TANC2: variants seen among roughly 807,000 people sequenced by gnomAD.
TANC2 encodes protein TANC2.
In TANC2, 26 loss-of-function variants were observed where a neutral mutation model predicts 210.5. The observed-to-expected ratio is 0.12, with a 90% CI of 0.09 to 0.17. The LOEUF (loss-of-function observed/expected upper bound fraction) is 0.17, where lower values mean the gene tolerates loss of function less well. TANC2 is among the 10% of genes least tolerant of loss of function. The pLI, the probability that TANC2 is intolerant of heterozygous loss-of-function variation, is 1.00. For synonymous variants in TANC2, 931 were observed against 967.1 expected, an observed-to-expected ratio of 0.96 and a Z score of 0.69; for missense variants, 2,129 against 2,608.9, an observed-to-expected ratio of 0.82 and a Z score of 4.01.
At chr17:63,123,303 A>T (rs958288533) in intron 4 of TANC2, among the ~76,000 whole-genome samples, 2 of 152,178 alleles carry the variant, frequency 1.3e-5, no homozygotes, top group Non-Finnish European at 2.9e-5. Flanking sequence ...CACGCCTGTA[A>T]TCCCAGCACT....
intron 11 of TANC2, among the ~76,000 whole-genome samples, chr17:63,327,104 G>T (rs1034575533): frequency 6.6e-6 from 1 of 152,144 alleles, no homozygotes; most frequent in African/African-American, 2.4e-5. Context: ...GCATACATGT[G>T]GCCAGCAGGT....
At chr17:63,346,562 T>G (rs1255290011) in intron 12 of TANC2, among the ~76,000 whole-genome samples, 1 of 151,814 alleles carries the variant, frequency 6.6e-6, no homozygotes, top group East Asian at 1.9e-4. Context: ...TTCACACCCA[T>G]TAGAATACCA....
At chr17:63,012,780 T>C (rs2033929511) in intron 2 of TANC2, among the ~76,000 whole-genome samples, 1 of 152,032 alleles carries the variant, frequency 6.6e-6, no homozygotes, top group Non-Finnish European at 1.5e-5. Flanking sequence ...GATTCTGGAG[T>C]AGCTAGGACT....
intron 11 of TANC2, among the ~76,000 whole-genome samples, chr17:63,329,449 G>A (rs1019650570): frequency 5.3e-5 from 8 of 151,996 alleles, no homozygotes; most frequent in African/African-American, 1.9e-4. Flanking sequence ...CTATCAACTA[G>A]CAAAAATTTT....
chr17:63,137,512 A>G (rs2039131471), intron 4 of TANC2, among the ~76,000 whole-genome samples: 2 of 152,226 alleles, frequency 1.3e-5, no homozygotes, highest in Non-Finnish European at 1.5e-5. Context: ...AAAGCTAGAA[A>G]TTAAATGGTT....
intron 9 of TANC2, among the ~76,000 whole-genome samples, chr17:63,297,361 A>G (rs1216657420): frequency 6.6e-6 from 1 of 151,330 alleles, no homozygotes; most frequent in Non-Finnish European, 1.5e-5. Flanking sequence ...TGGCATAGGA[A>G]TACACATAAA....
intron 11 of TANC2, among the ~76,000 whole-genome samples, chr17:63,331,249 A>G (rs547441923): frequency 1.3e-5 from 2 of 152,314 alleles, no homozygotes; most frequent in South Asian, 2.1e-4. Context: ...CAACTTTTTG[A>G]TATATAAATA....
At chr17:63,359,895 T>G (rs1202009474) in intron 14 of TANC2, among the ~76,000 whole-genome samples, 1 of 152,206 alleles carries the variant, frequency 6.6e-6, no homozygotes, top group Non-Finnish European at 1.5e-5. Context: ...CTTACTTGAT[T>G]CTTTATGACC....
chr17:63,282,559 G>A (rs1040002712), intron 9 of TANC2, among the ~76,000 whole-genome samples: 4 of 152,054 alleles, frequency 2.6e-5, no homozygotes, highest in Admixed American at 2.6e-4. Context: ...TTAAGAGTAG[G>A]TGGCTAGATC....
At chr17:63,154,786 C>T (rs1052902792) in intron 5 of TANC2, 6 of 152,048 alleles carry the variant, frequency 3.9e-5, no homozygotes, top group African/African-American at 1.4e-4. Context: ...TGTCCTGTTG[C>T]ATTTCAATTC....
At position 63,098,515 on chromosome 17, in the gene TANC2, G is replaced by GTGTATATA. The variant is rs1555571195; in HGVS notation, c.140-659_140-658insGTATATAT. Among the ~76,000 whole-genome samples, 712 of 126,724 alleles carry GTGTATATA rather than the reference G, an allele frequency of 5.6e-3. 27 individuals are homozygous for GTGTATATA. The highest frequency in any genetic ancestry group is 0.019 in the African/African-American group (664 of 34,896). The allele number at this position is 126,724 out of a possible 152,430, so 83.1% of individuals were successfully genotyped here. ...TCTCTCTCTCTCTCTCTCTCTGTGT[G>GTGTATATA]TATATATATATATATATATGTAAAA... is the stretch of plus-strand genomic sequence containing the variant. On this transcript the variant is annotated intron_variant, in intron 3 of 27. Transcript: ENST00000689528.
intron 8 of TANC2, among the ~76,000 whole-genome samples, chr17:63,255,903 C>CTTTT (rs1170508286): frequency 4.9e-4 from 41 of 84,224 alleles, no homozygotes; most frequent in African/African-American, 8.3e-4. Context: ...TTTGACTTTT[C>CTTTT]TTTTTTTTTT....
chr17:63,192,152 T>C (rs1567802097), intron 5 of TANC2, among the ~76,000 whole-genome samples: 1 of 152,206 alleles, frequency 6.6e-6, no homozygotes, highest in Non-Finnish European at 1.5e-5. Context: ...CGGATTTCTT[T>C]CGTTATAGAG....
At chr17:63,074,152 T>A in intron 3 of TANC2, 138 bp downstream of exon 3, 1 of 555,620 alleles carries the variant, frequency 1.8e-6, no homozygotes, top group Non-Finnish European at 3.0e-6. Context: ...TTAAATGATA[T>A]GATGTAAAAA....
chr17:63,383,998 C>T (rs1245333474), intron 15 of TANC2, among the ~76,000 whole-genome samples: 1 of 152,118 alleles, frequency 6.6e-6, no homozygotes, highest in Admixed American at 6.6e-5. Flanking sequence ...AGATCAGACT[C>T]TAAAAACAGA....
At chr17:63,010,935 G>A (rs2033840057) in intron 2 of TANC2, among the ~76,000 whole-genome samples, 1 of 152,120 alleles carries the variant, frequency 6.6e-6, no homozygotes, top group South Asian at 2.1e-4. Context: ...CCATCCTTTT[G>A]GGTTTTTATG....
chr17:63,016,798 A>G (rs1598259769), intron 2 of TANC2, among the ~76,000 whole-genome samples: 3 of 152,128 alleles, frequency 2.0e-5, no homozygotes, highest in South Asian at 2.1e-4. Flanking sequence ...ACTTTTCCCT[A>G]ATGATTAGTG....
intron 7 of TANC2, among the ~76,000 whole-genome samples, chr17:63,211,278 A>G (rs898077302): frequency 4.6e-5 from 7 of 152,186 alleles, no homozygotes; most frequent in Admixed American, 3.9e-4. Context: ...TTATAGGTAA[A>G]TGAATTTACA....
chr17:63,127,522 C>CA (rs1383518273), intron 4 of TANC2, among the ~76,000 whole-genome samples: 3 of 152,080 alleles, frequency 2.0e-5, no homozygotes, highest in Non-Finnish European at 4.4e-5. Context: ...TAAAATGTCA[C>CA]AAAAATTGTA....
Sources: gnomAD v4.1 joint callset for allele counts (sites outside exome capture counted in the v4.1 genomes callset) on GRCh38, gnomAD v4.1.1 for gene constraint, MANE v1.5 for transcripts, NCBI Gene and HGNC (gene_info 2026-07-23, HGNC 2026-07-21) for gene names.